GAS2: variants seen among roughly 807,000 people sequenced by gnomAD.
The protein encoded by GAS2 is growth arrest-specific protein 2.
In GAS2, 20 loss-of-function variants were observed where a neutral mutation model predicts 37.5. That is an observed-to-expected ratio of 0.53 (90% CI 0.37 to 0.77). The LOEUF is 0.77. Ranked by LOEUF, GAS2 falls within the 30% of genes least tolerant of loss-of-function variation. GAS2 has a pLI of 0.00. For synonymous variants in GAS2, 144 were observed against 132.2 expected (o/e 1.09, Z -0.61); for missense variants, 336 against 373.4 (o/e 0.90, Z 0.82).
At chr11:22,693,376 A>G (rs140753347) in intron 3 of GAS2, among the ~76,000 whole-genome samples, 1 of 152,326 alleles carries the variant, frequency 6.6e-6, no homozygotes, top group Non-Finnish European at 1.5e-5. Context: ...GATTCTGATT[A>G]AATATGTTAC....
At chr11:22,637,849 ACAGATAT>A (rs1173196792) in intron 1 of GAS2, among the ~76,000 whole-genome samples, 1 of 150,044 alleles carries the variant, frequency 6.7e-6, no homozygotes, top group Admixed American at 6.7e-5. Context: ...CAAAGCTGCC[ACAGATAT>A]CTCCTTCCCC....
chr11:22,740,129 T>C (rs1852994336), intron 5 of GAS2, among the ~76,000 whole-genome samples: 1 of 152,172 alleles, frequency 6.6e-6, no homozygotes, highest in East Asian at 1.9e-4. Flanking sequence ...AATTGCCCCT[T>C]GTTACAGGAT....
At chr11:22,687,724 G>A (rs1223465456) in intron 3 of GAS2, among the ~76,000 whole-genome samples, 1 of 152,130 alleles carries the variant, frequency 6.6e-6, no homozygotes, top group East Asian at 1.9e-4. Flanking sequence ...TGATGTAACT[G>A]GCCTCTACAT....
chr11:22,692,485 T>A (rs1030077284), intron 3 of GAS2, among the ~76,000 whole-genome samples: 1 of 152,134 alleles, frequency 6.6e-6, no homozygotes, highest in East Asian at 1.9e-4. Flanking sequence ...TGGTTTGGTC[T>A]GGAAAGGCAG....
intron 1 of GAS2, among the ~76,000 whole-genome samples, chr11:22,646,912 T>G (rs1396399286): frequency 6.6e-6 from 1 of 151,714 alleles, no homozygotes; most frequent in African/African-American, 2.4e-5. Context: ...CTTCTTTCTT[T>G]CTTTTTTTTT....
intron 5 of GAS2, 40 bp from the exon 6 acceptor site, chr11:22,749,080 A>G (rs776003163): frequency 6.4e-7 from 1 of 1,557,048 alleles, no homozygotes; most frequent in East Asian, 2.3e-5. Flanking sequence ...TTGTATCATT[A>G]TAAGTTATGC....
chr11:22,780,460 A>G (rs1855500721), intron 7 of GAS2, among the ~76,000 whole-genome samples: 1 of 149,994 alleles, frequency 6.7e-6, no homozygotes, highest in African/African-American at 2.5e-5. Context: ...GTGCCACTGC[A>G]CTCCAGCCTG....
intron 1 of GAS2, among the ~76,000 whole-genome samples, chr11:22,636,489 T>C (rs1018735737): frequency 2.0e-5 from 3 of 152,212 alleles, no homozygotes; most frequent in African/African-American, 7.2e-5. Flanking sequence ...TTTGGGATAC[T>C]GATCACAGCT....
At chr11:22,712,207 C>T (rs577670856) in intron 3 of GAS2, among the ~76,000 whole-genome samples, 6 of 152,326 alleles carry the variant, frequency 3.9e-5, no homozygotes, top group African/African-American at 1.4e-4. Flanking sequence ...TGAATCTGTC[C>T]ACATGACAAC....
chr11:22,805,444 AT>A (rs910755820), intron 7 of GAS2, among the ~76,000 whole-genome samples: 3 of 152,112 alleles, frequency 2.0e-5, no homozygotes, highest in African/African-American at 7.2e-5. Context: ...AACTATAGTC[AT>A]CATGCAGTAC....
intron 7 of GAS2, among the ~76,000 whole-genome samples, chr11:22,790,495 A>G (rs1253328482): frequency 1.3e-5 from 2 of 151,014 alleles, no homozygotes; most frequent in African/African-American, 5.0e-5. Context: ...CTTTTCTTTG[A>G]TGCTCATATC....
chr11:22,651,931 T>C (rs1319727178), intron 1 of GAS2, among the ~76,000 whole-genome samples: 4 of 152,242 alleles, frequency 2.6e-5, no homozygotes, highest in Non-Finnish European at 5.9e-5. Context: ...TCAAAGTCAT[T>C]CTCCATCCAG....
At chr11:22,749,059 A>G in intron 5 of GAS2, 61 bp from the exon 6 acceptor site, 4 of 1,445,210 alleles carry the variant, frequency 2.8e-6, no homozygotes, top group Non-Finnish European at 3.8e-6. Context: ...ATCACATGTA[A>G]TATATGGTAA....
chr11:22,774,024 G>A (rs1040260882), intron 7 of GAS2, among the ~76,000 whole-genome samples: 14 of 151,966 alleles, frequency 9.2e-5, no homozygotes, highest in African/African-American at 3.1e-4. Context: ...ACAGAGTTTC[G>A]CTCTTGTTGC....
intron 7 of GAS2, among the ~76,000 whole-genome samples, chr11:22,757,026 C>T (rs1359486487): frequency 1.3e-5 from 2 of 152,106 alleles, no homozygotes; most frequent in African/African-American, 2.4e-5. Flanking sequence ...TGACCTTTCT[C>T]AATTGATAAT....
intron 7 of GAS2, among the ~76,000 whole-genome samples, chr11:22,781,816 A>T (rs565759750): frequency 8.5e-5 from 13 of 152,260 alleles, no homozygotes; most frequent in African/African-American, 3.1e-4. Flanking sequence ...GACTGTCTAG[A>T]TCCCTGGGTC....
Position 22,749,185 on chromosome 11 carries a change from C to G in GAS2, c.539C>G (p.Ser180Cys). Residue 180 changes from serine to cysteine, a missense_variant, in exon 6 of 8, where the codon TCT becomes TGT. Coordinates refer to ENST00000454584, the MANE Select transcript of GAS2 (RefSeq NM_001143830.3). ...EKEIEQEETL[S>C]APSPSPSPSS... ...GAGATTGAACAAGAAGAAACACTTTCTGCCCCTTCTCCTTCACCTTCTCCT... is the reference window on the plus strand; with the variant it reads ...GAGATTGAACAAGAAGAAACACTTTGTGCCCCTTCTCCTTCACCTTCTCCT... 1 of 1,612,588 alleles carries G rather than the reference C, an allele frequency of 6.2e-7. No individual in the cohort carries two copies. The highest frequency in any genetic ancestry group is 8.5e-7 in the Non-Finnish European group (1 of 1,179,112).
At chr11:22,702,517 C>T (rs1850896698) in intron 3 of GAS2, 1 of 152,132 alleles carries the variant, frequency 6.6e-6, no homozygotes, top group East Asian at 1.9e-4. Context: ...GTAAAAAGCA[C>T]TCATGTTTGA....
chr11:22,672,809 A>G (rs1849256456), intron 1 of GAS2: 1 of 70,638 alleles, frequency 1.4e-5, no homozygotes, highest in Non-Finnish European at 3.6e-5. Context: ...TTCTAGGACT[A>G]GACATATTTT....
Sources: gnomAD v4.1 joint callset for allele counts (sites outside exome capture counted in the v4.1 genomes callset) on GRCh38, gnomAD v4.1.1 for gene constraint, MANE v1.5 for transcripts, NCBI Gene and HGNC (gene_info 2026-07-23, HGNC 2026-07-21) for gene names.